The following ACSS2 variants were observed in gnomAD, a reference collection of about 807,000 sequenced individuals.
The protein encoded by ACSS2 is acetyl-coenzyme A synthetase, cytoplasmic.
ACSS2 carries 58 observed loss-of-function variants against 90.6 expected under a neutral mutation model. That is an observed-to-expected ratio of 0.64 (90% CI 0.52 to 0.80). The LOEUF (loss-of-function observed/expected upper bound fraction) is 0.80, where lower values mean the gene tolerates loss of function less well. Among genes scored for constraint, ACSS2 ranks in the 30% least tolerant of loss-of-function variants. ACSS2 has a pLI of 0.00. For missense variants in ACSS2, 759 were observed against 912.0 expected (o/e 0.83, Z 2.16); for synonymous variants, 300 against 330.9 (o/e 0.91, Z 1.01).
At chr20:34,896,171 G>A (rs749707900) in intron 2 of ACSS2, among the ~76,000 whole-genome samples, 1 of 152,142 alleles carries the variant, frequency 6.6e-6, no homozygotes, top group East Asian at 1.9e-4. Flanking sequence ...ACAATCCATC[G>A]GGCACCAAAG....
chr20:34,920,811 T>C, intron 9 of ACSS2, 102 bp downstream of exon 9: 2 of 1,474,530 alleles, frequency 1.4e-6, no homozygotes, highest in South Asian at 2.6e-5. Flanking sequence ...ACTTATACAA[T>C]CATCTGTTTT....
chr20:34,921,968 TA>T, intron 13 of ACSS2, 102 bp downstream of exon 13: 1 of 1,512,210 alleles, frequency 6.6e-7, no homozygotes. Flanking sequence ...GGTAGCTGCT[TA>T]GGACTGAAAC....
intron 2 of ACSS2, among the ~76,000 whole-genome samples, chr20:34,888,061 C>A: frequency 8.7e-6 from 1 of 115,516 alleles, no homozygotes. Flanking sequence ...CAGAGCAAGA[C>A]TCCATCAAAA....
At chr20:34,915,626 G>C (rs575717782) in intron 7 of ACSS2, among the ~76,000 whole-genome samples, 2 of 152,244 alleles carry the variant, frequency 1.3e-5, no homozygotes, top group South Asian at 4.1e-4. Context: ...CTGACTTTGG[G>C]AATTCACTGT....
At chr20:34,876,899 C>T in intron 1 of ACSS2, 76 bp downstream of exon 1, 1 of 1,023,778 alleles carries the variant, frequency 9.8e-7, no homozygotes, top group Non-Finnish European at 1.3e-6. Context: ...TCGGGGGCTC[C>T]CTTGGGAAGC....
At chr20:34,879,683 G>T (rs1203384460) in intron 1 of ACSS2, among the ~76,000 whole-genome samples, 3 of 152,220 alleles carry the variant, frequency 2.0e-5, no homozygotes, top group African/African-American at 7.2e-5. Flanking sequence ...AGTGAGCCAA[G>T]ATTGTGCCAC....
At chr20:34,919,686 C>G (rs1243862846) in intron 8 of ACSS2, 114 bp downstream of exon 8, 2 of 1,417,794 alleles carry the variant, frequency 1.4e-6, no homozygotes, top group East Asian at 5.1e-5. Flanking sequence ...TTCCTACAAC[C>G]CTGAGTTTTG....
intron 14 of ACSS2, among the ~76,000 whole-genome samples, chr20:34,924,676 C>CTTT (rs375216809): frequency 8.5e-6 from 1 of 117,272 alleles, no homozygotes; most frequent in East Asian, 2.1e-4. Context: ...AGTGGGAAAC[C>CTTT]TTTTTTTTGT....
intron 16 of ACSS2, 86 bp from the exon 17 acceptor site, chr20:34,926,791 G>A: frequency 7.3e-7 from 1 of 1,376,672 alleles, no homozygotes. Flanking sequence ...GAGGAAACAG[G>A]TGGGGAACAA....
chr20:34,896,546 T>G (rs1442494245), intron 2 of ACSS2, among the ~76,000 whole-genome samples: 1 of 152,248 alleles, frequency 6.6e-6, no homozygotes, highest in Non-Finnish European at 1.5e-5. Context: ...AGTTTGTTCA[T>G]TTATTTATTC....
chr20:34,910,474 CT>C (rs1601346921), intron 2 of ACSS2, among the ~76,000 whole-genome samples: 1 of 152,154 alleles, frequency 6.6e-6, no homozygotes. Flanking sequence ...TATCGAGACT[CT>C]GCCTCTATGA....
At chr20:34,905,011 G>A (rs2080762797) in intron 2 of ACSS2, among the ~76,000 whole-genome samples, 1 of 149,876 alleles carries the variant, frequency 6.7e-6, no homozygotes, top group Admixed American at 6.8e-5. Context: ...TTGACCTCCC[G>A]GGCTTATGTG....
intron 9 of ACSS2, 47 bp downstream of exon 9, chr20:34,920,756 C>T: frequency 6.4e-7 from 1 of 1,573,084 alleles, no homozygotes; most frequent in African/African-American, 1.3e-5. Context: ...ACAAGATTAT[C>T]CTGGGTGACT....
At position 34,919,537 on chromosome 20, in the gene ACSS2, A is replaced by G; in HGVS notation, c.937A>G (p.Ile313Val). ...GTGTGATGCCGAGGACCCACTCTTC[A>G]TCCTGTACACCAGTGGCTCCACAGG... ...EWCDAEDPLF[I>V]LYTSGSTGKP... is the part of the protein sequence containing the mutation. Residue 313 changes from isoleucine to valine, a missense_variant, in exon 8 of 18, where the codon ATC becomes GTC. Ile to Val is a conservative substitution (Grantham distance 29). Transcript: ENST00000360596. 1 of 1,610,772 alleles carries G rather than the reference A, an allele frequency of 6.2e-7. No individual in the cohort carries two copies. The highest frequency in any genetic ancestry group is 8.5e-7 in the Non-Finnish European group (1 of 1,179,828).
At chr20:34,889,227 A>G (rs907268397) in intron 2 of ACSS2, among the ~76,000 whole-genome samples, 3 of 151,876 alleles carry the variant, frequency 2.0e-5, no homozygotes, top group Admixed American at 6.6e-5. Flanking sequence ...GGTTCACACC[A>G]TTCTCCTGCC....
chr20:34,925,862 C>T, intron 15 of ACSS2, 96 bp downstream of exon 15: 1 of 1,389,476 alleles, frequency 7.2e-7, no homozygotes. Flanking sequence ...TGTCCTTTGG[C>T]CAGACCATGT....
intron 2 of ACSS2, among the ~76,000 whole-genome samples, chr20:34,887,115 C>G (rs533772118): frequency 2.6e-5 from 4 of 152,140 alleles, no homozygotes; most frequent in Non-Finnish European, 5.9e-5. Context: ...TTGAAGTGAC[C>G]GTTAGAGTCC....
intron 2 of ACSS2, among the ~76,000 whole-genome samples, chr20:34,898,329 C>G (rs201579129): frequency 2.6e-5 from 4 of 152,034 alleles, no homozygotes; most frequent in African/African-American, 9.7e-5. Context: ...GACAGGGTGC[C>G]GATTGGTGCG....
At chr20:34,879,234 C>G (rs2080008263) in intron 1 of ACSS2, among the ~76,000 whole-genome samples, 1 of 152,012 alleles carries the variant, frequency 6.6e-6, no homozygotes, top group Non-Finnish European at 1.5e-5. Context: ...TCCAGATAAT[C>G]TAGCTCCACC....
Sources: gnomAD v4.1 joint callset for allele counts (sites outside exome capture counted in the v4.1 genomes callset) on GRCh38, gnomAD v4.1.1 for gene constraint, MANE v1.5 for transcripts, NCBI Gene and HGNC (gene_info 2026-07-23, HGNC 2026-07-21) for gene names.